The following MARCHF11 variants were observed in gnomAD, a reference collection of about 807,000 sequenced individuals.
MARCHF11 encodes the protein membrane associated ring-CH-type finger 11, also known as E3 ubiquitin-protein ligase MARCHF11.
In MARCHF11, 29 loss-of-function variants were observed where a neutral mutation model predicts 37.3. That is an observed-to-expected ratio of 0.78 (90% CI 0.58 to 1.06). The LOEUF is 1.06. Ranked by LOEUF, MARCHF11 falls within the 50% of genes least tolerant of loss-of-function variation. The pLI is 0.00. For missense variants in MARCHF11, 482 were observed against 533.4 expected (o/e 0.90, Z 0.95); for synonymous variants, 233 against 228.0 (o/e 1.02, Z -0.20).
intron 2 of MARCHF11, among the ~76,000 whole-genome samples, chr5:16,143,516 C>A (rs1737751915): frequency 6.6e-6 from 1 of 152,192 alleles, no homozygotes; most frequent in East Asian, 1.9e-4. Flanking sequence ...TCCTTTCGAC[C>A]TATTTATTTC....
chr5:16,079,562 C>T (rs1029329712), intron 3 of MARCHF11, among the ~76,000 whole-genome samples: 1 of 152,242 alleles, frequency 6.6e-6, no homozygotes. Flanking sequence ...TGGGCAACAG[C>T]CCATAGCCAC....
intron 3 of MARCHF11, among the ~76,000 whole-genome samples, chr5:16,082,119 C>G (rs539747495): frequency 2.2e-4 from 33 of 152,340 alleles, no homozygotes; most frequent in African/African-American, 7.9e-4. Context: ...TCTCCTCTGA[C>G]AATTTCACAT....
chr5:16,138,124 A>AC (rs1560986190), intron 2 of MARCHF11, among the ~76,000 whole-genome samples: 2 of 152,170 alleles, frequency 1.3e-5, no homozygotes, highest in African/African-American at 4.8e-5. Context: ...CGCCAAGACA[A>AC]TGGGGAAAAT....
rs117827448 is a variant in MARCHF11 at position 16,080,235 on chromosome 5, C to T, written c.886+10654G>A. 5.8e-4 allele frequency among the ~76,000 whole-genome samples: 89 copies of T among 152,272 alleles called. 1 individual carries two copies. In the East Asian group the frequency reaches 0.012, roughly 20 times the overall value. On this transcript the variant is annotated intron_variant, in intron 3 of 3. Transcript: ENST00000332432. ...GTCCAGTGAGTGATTGTTGGCTTGA[C>T]TTCACCTAACCCTTGACAGAACATC... is the stretch of plus-strand genomic sequence containing the variant.
intron 2 of MARCHF11, among the ~76,000 whole-genome samples, chr5:16,126,866 T>C (rs1191604916): frequency 2.0e-5 from 3 of 152,204 alleles, no homozygotes; most frequent in African/African-American, 4.8e-5. Flanking sequence ...CTACCATTAC[T>C]AGGTGTTAAC....
At chr5:16,121,697 G>A (rs1408954775) in intron 2 of MARCHF11, among the ~76,000 whole-genome samples, 2 of 152,124 alleles carry the variant, frequency 1.3e-5, no homozygotes, top group African/African-American at 2.4e-5. Flanking sequence ...GTTCTCAACG[G>A]CAGCTAACTG....
intron 2 of MARCHF11, among the ~76,000 whole-genome samples, chr5:16,095,453 C>CAGGGAAGG (rs1425064079): frequency 9.4e-6 from 1 of 106,336 alleles, no homozygotes; most frequent in Non-Finnish European, 1.7e-5. Context: ...AGGAAAGGAG[C>CAGGGAAGG]AGGGAAGGAG....
rs556442515 is a variant in MARCHF11 at position 16,086,670 on chromosome 5, C to A, written c.886+4219G>T. ...TATTAACCAGAACTTGAACTCACCT[C>A]ATCTGGTTCTATCAGATGCTAAAGT... is the stretch of plus-strand genomic sequence containing the variant. On this transcript the variant is annotated intron_variant, in intron 3 of 3. Transcript: ENST00000332432. Among the ~76,000 whole-genome samples the A allele has an allele frequency of 1.3e-4, 20 of 152,356 alleles. No individual in the cohort carries two copies. The South Asian group carries it at 3.9e-3, about 30-fold the overall frequency.
Position 16,090,897 on chromosome 5 carries a change from A to G in MARCHF11, c.878T>C (p.Val293Ala). 1 of 1,602,150 alleles carries G rather than the reference A, an allele frequency of 6.2e-7. No individual in the cohort carries two copies. The highest frequency in any genetic ancestry group is 8.5e-7 in the Non-Finnish European group (1 of 1,174,988). ...CYGMYGFMDL[V>A]CIGLIVHEGA... The stretch of plus-strand genomic sequence containing the variant: ...GAAGGTCATGGTCTTACCTATGCAC[A>G]CTAGATCCATAAAACCATACATTCC... The change falls in exon 3 of 4, where the codon GTG becomes GCG. Residue 293 changes from valine to alanine, a missense_variant. Transcript: ENST00000332432.
intron 2 of MARCHF11, among the ~76,000 whole-genome samples, chr5:16,148,205 G>A (rs1384741878): frequency 6.6e-6 from 1 of 151,984 alleles, no homozygotes; most frequent in Non-Finnish European, 1.5e-5. Flanking sequence ...GAAACAGAGG[G>A]CATGAATTTA....
At chr5:16,089,835 C>T (rs1278478093) in intron 3 of MARCHF11, among the ~76,000 whole-genome samples, 2 of 152,164 alleles carry the variant, frequency 1.3e-5, no homozygotes, top group African/African-American at 2.4e-5. Context: ...TTTATTTAGA[C>T]TTGCATGGTT....
intron 2 of MARCHF11, among the ~76,000 whole-genome samples, chr5:16,128,602 G>A (rs1462310801): frequency 6.6e-6 from 1 of 152,198 alleles, no homozygotes; most frequent in Non-Finnish European, 1.5e-5. Context: ...CCACTTACGT[G>A]ATTCTAAGCT....
chr5:16,109,500 T>A (rs1448772785), intron 2 of MARCHF11, among the ~76,000 whole-genome samples: 2 of 152,242 alleles, frequency 1.3e-5, no homozygotes, highest in African/African-American at 4.8e-5. Context: ...GGAGAGGGCA[T>A]GCAAGCTCTG....
chr5:16,138,685 G>A (rs1579405776), intron 2 of MARCHF11, among the ~76,000 whole-genome samples: 1 of 152,298 alleles, frequency 6.6e-6, no homozygotes, highest in East Asian at 1.9e-4. Context: ...AGCCAGGATA[G>A]GGGCTGTACC....
chr5:16,103,882 C>T (rs949951389), intron 2 of MARCHF11, among the ~76,000 whole-genome samples: 5 of 152,020 alleles, frequency 3.3e-5, no homozygotes, highest in African/African-American at 9.7e-5. Context: ...CAAGGGGCAC[C>T]GAGGAACTAG....
intron 2 of MARCHF11, among the ~76,000 whole-genome samples, chr5:16,142,623 C>A (rs3933641): frequency 6.6e-6 from 1 of 151,666 alleles, no homozygotes; most frequent in East Asian, 1.9e-4. Context: ...TCCACTACCC[C>A]GGCCTCCCTC....
At chr5:16,069,725 G>A (rs781293375) in intron 3 of MARCHF11, among the ~76,000 whole-genome samples, 4 of 152,140 alleles carry the variant, frequency 2.6e-5, no homozygotes, top group Non-Finnish European at 5.9e-5. Context: ...AAGGCTGGAG[G>A]AATGCGTGAT....
At chr5:16,075,769 T>C (rs1357751504) in intron 3 of MARCHF11, among the ~76,000 whole-genome samples, 5 of 152,104 alleles carry the variant, frequency 3.3e-5, no homozygotes, top group African/African-American at 9.7e-5. Flanking sequence ...CAGGATGAGA[T>C]TGGAAAAGAG....
At chr5:16,101,411 T>C (rs1560974940) in intron 2 of MARCHF11, among the ~76,000 whole-genome samples, 1 of 152,212 alleles carries the variant, frequency 6.6e-6, no homozygotes, top group African/African-American at 2.4e-5. Flanking sequence ...CAGTTTTCAA[T>C]TTATGCTGCC....
Sources: allele counts gnomAD v4.1 joint callset (sites outside exome capture counted in the v4.1 genomes callset), GRCh38; gene constraint gnomAD v4.1.1; transcripts MANE v1.5; gene names NCBI Gene and HGNC (gene_info 2026-07-23, HGNC 2026-07-21).